Variants in FGF2 observed in about 807,000 individuals in gnomAD.
FGF2 encodes fibroblast growth factor 2, also known as basic fibroblast growth factor bFGF.
In FGF2, 13 loss-of-function variants were observed where a neutral mutation model predicts 15.9. The ratio of observed to expected loss-of-function variants is 0.82; its 90% CI spans 0.53 to 1.30. The LOEUF (loss-of-function observed/expected upper bound fraction) is 1.30. Among genes scored for constraint, FGF2 ranks in the 50% most tolerant of loss-of-function variants. The pLI, the probability that FGF2 is intolerant of heterozygous loss-of-function variation, is 0.00. For synonymous variants in FGF2, 90 were observed against 78.4 expected, an observed-to-expected ratio of 1.15 and a Z score of -0.78; for missense variants, 163 against 196.9, an observed-to-expected ratio of 0.83 and a Z score of 1.03.
intron 2 of FGF2, among the ~76,000 whole-genome samples, chr4:122,877,141 A>C: frequency 6.9e-6 from 1 of 145,808 alleles, no homozygotes; most frequent in East Asian, 2.0e-4. Context: ...ATGGAGTCTC[A>C]CTCCACTGCG....
intron 1 of FGF2, among the ~76,000 whole-genome samples, chr4:122,869,549 C>T (rs1293246646): frequency 1.3e-5 from 2 of 152,160 alleles, no homozygotes; most frequent in East Asian, 3.9e-4. Context: ...AGAGGTCCTT[C>T]ACATCCCTTG....
At chr4:122,872,072 C>T (rs565124474) in intron 1 of FGF2, among the ~76,000 whole-genome samples, 22 of 152,196 alleles carry the variant, frequency 1.4e-4, no homozygotes, top group Admixed American at 2.0e-4. Flanking sequence ...TAAAAAACTA[C>T]GCTGAGCTAA....
Position 122,897,500 on chromosome 4 carries a change from T to C in FGF2, c.*5104T>C, listed in dbSNP as rs1727398450. On this transcript the variant is annotated 3_prime_UTR_variant, in exon 3 of 3. Coordinates refer to ENST00000644866, the MANE Select transcript of FGF2 (RefSeq NM_001361665.2). ...ATCAGCTCTGAGGTAATTTCTGAAA[T>C]GTTCAGACTCAGTCGGAACAAATTG... is the stretch of plus-strand genomic sequence containing the variant. The C allele has an allele frequency of 4.3e-6, 3 of 704,918 alleles. No homozygotes were observed. Among genetic ancestry groups the C allele is most frequent in the East Asian group, 2.7e-5 (1 of 37,704 alleles). The allele number at this position is 704,918 out of a possible 1,614,324, so 43.7% of individuals were successfully genotyped here. A position where few individuals can be genotyped will look rare whatever the true frequency, so the allele number is the denominator to read the frequency against.
At chr4:122,862,039 T>C (rs308382) in intron 1 of FGF2, among the ~76,000 whole-genome samples, 19,775 of 152,248 alleles carry the variant, frequency 0.13, 1,443 homozygotes, top group Middle Eastern at 0.26. Flanking sequence ...GAGCTTTAGT[T>C]ATCCGTGTAC....
At position 122,858,725 on chromosome 4, in the gene FGF2, C is replaced by T. The variant is rs558238793; in HGVS notation, c.179-17596C>T. ...ATTAGTTCCTTTTGTTACCTAGCCT[C>T]CTTTGTCAGTTATCTATGCATTAAA... On this transcript the variant is annotated intron_variant, in intron 1 of 2. Coordinates refer to ENST00000644866, the MANE Select transcript of FGF2 (RefSeq NM_001361665.2). Among the ~76,000 whole-genome samples the T allele has an allele frequency of 2.0e-5, 3 of 152,152 alleles. No individual in the cohort carries two copies. The South Asian group carries it at 6.2e-4, about 32-fold the overall frequency.
chr4:122,829,361 A>G (rs1039010142), intron 1 of FGF2, among the ~76,000 whole-genome samples: 2 of 152,154 alleles, frequency 1.3e-5, no homozygotes, highest in African/African-American at 4.8e-5. Context: ...GGCATCTGGC[A>G]GGTAGAGGCC....
chr4:122,834,301 A>T (rs991977107), intron 1 of FGF2, among the ~76,000 whole-genome samples: 2 of 152,186 alleles, frequency 1.3e-5, no homozygotes, highest in Admixed American at 1.3e-4. Context: ...GTCCTGTCTC[A>T]CTATGCAATA....
At chr4:122,869,089 A>G (rs1340701414) in intron 1 of FGF2, among the ~76,000 whole-genome samples, 2 of 151,806 alleles carry the variant, frequency 1.3e-5, no homozygotes, top group Non-Finnish European at 2.9e-5. Flanking sequence ...CTGATAGTTT[A>G]TTTTGCTGTG....
intron 2 of FGF2, chr4:122,882,764 G>A (rs1026172851): frequency 2.6e-5 from 4 of 152,160 alleles, no homozygotes; most frequent in African/African-American, 9.7e-5. Flanking sequence ...CTCGTCATAC[G>A]ACCTGTTCAC....
chr4:122,866,791 A>T (rs2068372969), intron 1 of FGF2, among the ~76,000 whole-genome samples: 1 of 152,230 alleles, frequency 6.6e-6, no homozygotes, highest in South Asian at 2.1e-4. Flanking sequence ...AAATGATTAA[A>T]CATAGAGTTA....
chr4:122,888,722 T>A (rs1727107439), intron 2 of FGF2: 1 of 152,242 alleles, frequency 6.6e-6, no homozygotes, highest in Non-Finnish European at 1.5e-5. Flanking sequence ...ACTTTCTCAA[T>A]GGAGCCTACT....
At chr4:122,844,024 A>G (rs1011547532) in intron 1 of FGF2, among the ~76,000 whole-genome samples, 3 of 152,234 alleles carry the variant, frequency 2.0e-5, no homozygotes, top group Non-Finnish European at 2.9e-5. Flanking sequence ...GACTTATCCT[A>G]TCACGAAAGA....
chr4:122,858,990 G>A (rs528168816), intron 1 of FGF2, among the ~76,000 whole-genome samples: 37 of 152,202 alleles, frequency 2.4e-4, no homozygotes, highest in Non-Finnish European at 4.4e-4. Flanking sequence ...AAGTTAAAAT[G>A]TGAGCATTGT....
At chr4:122,826,683 T>A, upstream of FGF2, 1 of 1,254,380 alleles carries the variant, frequency 8.0e-7, no homozygotes, top group Non-Finnish European at 1.0e-6. Context: ...TTGCGTGTTG[T>A]GGCCGAACCG....
At position 122,827,890 on chromosome 4, in the gene FGF2, A is replaced by G. The variant is rs1215942932; in HGVS notation, c.178+538A>G. On this transcript the variant is annotated intron_variant, in intron 1 of 2. Coordinates refer to ENST00000644866, the MANE Select transcript of FGF2 (RefSeq NM_001361665.2). This position sits in a 1 kb window ranked among gnomAD's most constrained non-coding sequence, Gnocchi z 4.2. ...TTTTTCCGAATTGACGAAAGCTGAAAGAGCAAAAACAAAAACCAACCAGCC... is the reference window on the plus strand; with the variant it reads ...TTTTTCCGAATTGACGAAAGCTGAAGGAGCAAAAACAAAAACCAACCAGCC... 1.3e-5 allele frequency among the ~76,000 whole-genome samples: 2 copies of G among 152,260 alleles called. No homozygotes were observed. Among genetic ancestry groups the G allele is most frequent in the Admixed American group, 6.5e-5 (1 of 15,286 alleles).
At chr4:122,867,967 C>T (rs1726636129) in intron 1 of FGF2, among the ~76,000 whole-genome samples, 1 of 152,066 alleles carries the variant, frequency 6.6e-6, no homozygotes, top group Admixed American at 6.5e-5. Flanking sequence ...CTGCATTTTA[C>T]CCATTTTTTC....
In FGF2 at chr4:122,893,098, G is replaced by A. The variant is rs1404054559; in HGVS notation, c.*702G>A. ...TGGTGAATGAATATGGCTTTAGGCG[G>A]CAGATGATATACATATCTGACTTCC... is the stretch of plus-strand genomic sequence containing the variant. On this transcript the variant is annotated 3_prime_UTR_variant, in exon 3 of 3. Transcript: ENST00000644866. The A allele has an allele frequency of 6.2e-7, 1 of 1,614,124 alleles. No homozygotes were observed. The highest frequency in any genetic ancestry group is 1.7e-5 in the Admixed American group (1 of 60,006).
At chr4:122,864,003 C>G (rs115052867) in intron 1 of FGF2, among the ~76,000 whole-genome samples, 4 of 148,028 alleles carry the variant, frequency 2.7e-5, no homozygotes, top group Middle Eastern at 3.4e-3. Flanking sequence ...CAAGAATAAT[C>G]TTCTTTACTG....
intron 2 of FGF2, among the ~76,000 whole-genome samples, chr4:122,880,462 G>A (rs967677496): frequency 6.6e-6 from 1 of 152,076 alleles, no homozygotes; most frequent in Admixed American, 6.5e-5. Context: ...GTTAGCCAGG[G>A]TGGTCTTGAT....
Sources: allele counts gnomAD v4.1 joint callset (sites outside exome capture counted in the v4.1 genomes callset), GRCh38; gene constraint gnomAD v4.1.1; non-coding constraint Gnocchi (gnomAD v3.1); transcripts MANE v1.5; gene names NCBI Gene and HGNC (gene_info 2026-07-23, HGNC 2026-07-21).